The following LIAT1 variants were observed in gnomAD, a reference collection of about 807,000 sequenced individuals.
The protein encoded by LIAT1 is ligand of ATE1.
chr17:410,344 T>A, the LIAT1 span: 1 of 1,473,236 alleles, frequency 6.8e-7, no homozygotes, highest in Non-Finnish European at 8.9e-7. Context: ...GTGGTCGCCA[T>A]GGAGACGCGT....
At chr17:412,895 A>T in the LIAT1 span, among the ~76,000 whole-genome samples, 2 of 152,218 alleles carry the variant, frequency 1.3e-5, no homozygotes, top group African/African-American at 4.8e-5. Flanking sequence ...TCACCCGAAG[A>T]ATAGGGCCGA....
chr17:410,468 G>A, the LIAT1 span: 11 of 1,542,044 alleles, frequency 7.1e-6, no homozygotes, highest in Non-Finnish European at 8.7e-6. Flanking sequence ...GCCGCGGTGG[G>A]GCGGGGACAA....
the LIAT1 span, chr17:413,884 C>T: frequency 1.3e-5 from 20 of 1,599,374 alleles, no homozygotes; most frequent in African/African-American, 1.8e-4. Flanking sequence ...GCTTCCACCC[C>T]GACCCCGAGG....
the LIAT1 span, among the ~76,000 whole-genome samples, chr17:412,453 G>C: frequency 1.3e-5 from 2 of 152,104 alleles, no homozygotes; most frequent in Admixed American, 6.6e-5. Flanking sequence ...TAGCAAGGGA[G>C]GGAAATGTCA....
chr17:414,122 A>G, the LIAT1 span: 2 of 1,606,966 alleles, frequency 1.2e-6, no homozygotes, highest in Non-Finnish European at 1.7e-6. The surrounding 1 kb of genome is among the most constrained non-coding windows in gnomAD (Gnocchi z 4.1). Context: ...GTGAAAATCT[A>G]CCCACGACGC....
the LIAT1 span, chr17:413,329 T>C: frequency 5.6e-6 from 9 of 1,614,074 alleles, no homozygotes; most frequent in African/African-American, 8.0e-5. Flanking sequence ...TAGAGAACCT[T>C]GCGAATCGGA....
chr17:414,187 A>G, the LIAT1 span: 6 of 1,510,086 alleles, frequency 4.0e-6, no homozygotes, highest in African/African-American at 1.4e-5. The surrounding 1 kb of genome is among the most constrained non-coding windows in gnomAD (Gnocchi z 4.1). Context: ...AACCATCATC[A>G]TAAAAGGAAA....
At chr17:414,509 C>T in the LIAT1 span, 2 of 185,832 alleles carry the variant, frequency 1.1e-5, no homozygotes, top group Admixed American at 5.5e-5. The surrounding 1 kb of genome is among the most constrained non-coding windows in gnomAD (Gnocchi z 4.1). Context: ...GAGGACGATG[C>T]CCTGAACCTC....
At chr17:414,142 T>C in the LIAT1 span, 4 of 1,598,860 alleles carry the variant, frequency 2.5e-6, no homozygotes, top group Non-Finnish European at 3.4e-6. The surrounding 1 kb of genome is among the most constrained non-coding windows in gnomAD (Gnocchi z 4.1). Flanking sequence ...CTCACAAACT[T>C]ATAATTCCTC....
At chr17:410,524 G>T in the LIAT1 span, 1 of 1,545,542 alleles carries the variant, frequency 6.5e-7, no homozygotes, top group African/African-American at 1.4e-5. Flanking sequence ...CGGGAGGGCG[G>T]CGCCGCGGGC....
chr17:413,576 A>T, the LIAT1 span: 19,086 of 891,100 alleles, frequency 0.021, 1,477 homozygotes, highest in East Asian at 0.16. Flanking sequence ...CCTCAAGGGC[A>T]TCCACCCCGA....
chr17:410,764 T>C, the LIAT1 span: 2 of 892,242 alleles, frequency 2.2e-6, no homozygotes, highest in Non-Finnish European at 3.4e-6. Context: ...CGGACCGAGG[T>C]CCTCCTGCTC....
At chr17:414,422 A>C in the LIAT1 span, 1 of 327,846 alleles carries the variant, frequency 3.1e-6, no homozygotes, top group Non-Finnish European at 5.6e-6. This position sits in a 1 kb window ranked among gnomAD's most constrained non-coding sequence, Gnocchi z 4.1. Flanking sequence ...AAAGAAAAGA[A>C]AGCGTGTAGA....
the LIAT1 span, chr17:414,076 G>A: frequency 1.2e-6 from 2 of 1,613,940 alleles, no homozygotes; most frequent in Non-Finnish European, 1.7e-6. The surrounding 1 kb of genome is among the most constrained non-coding windows in gnomAD (Gnocchi z 4.1). Flanking sequence ...TTACCCCAAA[G>A]CTTCTACACT....
At chr17:412,319 T>C in the LIAT1 span, among the ~76,000 whole-genome samples, 467 of 150,526 alleles carry the variant, frequency 3.1e-3, 3 homozygotes, top group African/African-American at 9.6e-3. Context: ...AAAAAAGCCC[T>C]GTGTGTATCT....
At chr17:411,627 G>C in the LIAT1 span, among the ~76,000 whole-genome samples, 273 of 152,246 alleles carry the variant, frequency 1.8e-3, no homozygotes, top group African/African-American at 6.3e-3. Flanking sequence ...TTATCCATTC[G>C]CGTGTGTAGT....
chr17:412,400 G>A, the LIAT1 span, among the ~76,000 whole-genome samples: 1 of 152,066 alleles, frequency 6.6e-6, no homozygotes, highest in Non-Finnish European at 1.5e-5. Flanking sequence ...AGTGACATGT[G>A]CCTCATACCA....
the LIAT1 span, chr17:410,431 G>A: frequency 1.8e-5 from 27 of 1,539,128 alleles, no homozygotes; most frequent in Middle Eastern, 3.9e-4. Context: ...GGGCGGGTTG[G>A]GTTGCAGCCC....
the LIAT1 span, chr17:410,511 G>A: frequency 1.3e-6 from 2 of 1,545,432 alleles, no homozygotes; most frequent in Non-Finnish European, 1.7e-6. Context: ...CGAGGAGGAG[G>A]AGCGGGAGGG....
Sources: gnomAD v4.1 joint callset for allele counts (sites outside exome capture counted in the v4.1 genomes callset) on GRCh38, gnomAD v4.1.1 for gene constraint, Gnocchi (gnomAD v3.1) non-coding constraint, MANE v1.5 for transcripts, NCBI Gene and HGNC (gene_info 2026-07-23, HGNC 2026-07-21) for gene names.